Variants in RFC1 observed in about 807,000 individuals in gnomAD.
RFC1 encodes the protein A1 140 kDa subunit.
RFC1 carries 37 observed loss-of-function variants against 137.4 expected under a neutral mutation model. The ratio of observed to expected loss-of-function variants is 0.27; its 90% confidence interval spans 0.21 to 0.35. The LOEUF (loss-of-function observed/expected upper bound fraction) is 0.35. Among genes scored for constraint, RFC1 ranks in the 10% least tolerant of loss-of-function variants. The pLI is 1.00. For missense variants in RFC1, 1,205 were observed against 1,358.5 expected (o/e 0.89, Z 1.78); for synonymous variants, 429 against 455.7 (o/e 0.94, Z 0.75).
intron 22 of RFC1, 70 bp downstream of exon 22, chr4:39,295,544 T>C: frequency 7.9e-7 from 1 of 1,267,452 alleles, no homozygotes; most frequent in Non-Finnish European, 1.1e-6. Flanking sequence ...TTGACTCACA[T>C]GATCATTACT....
At chr4:39,348,258 G>C (rs1381260116) in intron 2 of RFC1, among the ~76,000 whole-genome samples, 2 of 150,586 alleles carry the variant, frequency 1.3e-5, no homozygotes, top group African/African-American at 2.4e-5. Context: ...CCCATCTCTA[G>C]GAAAAATACA....
chr4:39,347,923 T>C (rs1740938786), intron 2 of RFC1, among the ~76,000 whole-genome samples: 1 of 152,184 alleles, frequency 6.6e-6, no homozygotes, highest in South Asian at 2.1e-4. Context: ...TAGTGCTTTG[T>C]GAAAGATGGA....
chr4:39,309,182 G>A, intron 12 of RFC1, 150 bp from the exon 13 acceptor site: 1 of 713,850 alleles, frequency 1.4e-6, no homozygotes, highest in Non-Finnish European at 2.1e-6. Flanking sequence ...TCCTGTTTGT[G>A]GAAATCACCA....
intron 4 of RFC1, 98 bp downstream of exon 4, chr4:39,342,247 G>C: frequency 1.5e-6 from 2 of 1,361,316 alleles, no homozygotes; most frequent in Non-Finnish European, 2.0e-6. Context: ...AAAGGCAGTA[G>C]AAATTCCATT....
intron 1 of RFC1, among the ~76,000 whole-genome samples, chr4:39,356,856 ACTT>A (rs1421799708): frequency 6.6e-6 from 1 of 152,220 alleles, no homozygotes; most frequent in Non-Finnish European, 1.5e-5. Flanking sequence ...GGTCTCAAAA[ACTT>A]CTCTGAGGAA....
At chr4:39,291,481 T>C (rs1737670095) in intron 23 of RFC1, among the ~76,000 whole-genome samples, 158 bp downstream of exon 23, 1 of 152,218 alleles carries the variant, frequency 6.6e-6, no homozygotes, top group African/African-American at 2.4e-5. Context: ...TAATACTGCA[T>C]TCAAATAGTA....
intron 2 of RFC1, among the ~76,000 whole-genome samples, chr4:39,350,409 G>T (rs993690667): frequency 1.3e-5 from 2 of 151,974 alleles, no homozygotes; most frequent in Non-Finnish European, 2.9e-5. Context: ...AACCAAAAAT[G>T]GGATAAACAA....
chr4:39,301,825 T>G (rs1176487686), intron 19 of RFC1, among the ~76,000 whole-genome samples: 5 of 152,184 alleles, frequency 3.3e-5, no homozygotes, highest in African/African-American at 4.8e-5. Flanking sequence ...GTGTATTAAC[T>G]TTTTTAGAAC....
intron 11 of RFC1, among the ~76,000 whole-genome samples, chr4:39,311,991 C>T (rs1738982925): frequency 6.6e-6 from 1 of 151,998 alleles, no homozygotes; most frequent in Non-Finnish European, 1.5e-5. Context: ...CAACCAGAAA[C>T]GTCTTGGTTC....
chr4:39,295,895 C>G, intron 21 of RFC1, 136 bp from the exon 22 acceptor site: 1 of 650,908 alleles, frequency 1.5e-6, no homozygotes, highest in East Asian at 3.0e-5. Context: ...CAGTCAGACC[C>G]TTTCTATAAC....
chr4:39,298,437 A>C (rs1187116209), intron 21 of RFC1, among the ~76,000 whole-genome samples: 1 of 152,096 alleles, frequency 6.6e-6, no homozygotes, highest in African/African-American at 2.4e-5. Flanking sequence ...TTATTTTATT[A>C]CTCAGGCCAA....
At position 39,299,985 on chromosome 4, in the gene RFC1, G is replaced by C. The variant is rs2066788; in HGVS notation, c.2808+36C>G. The C allele has an allele frequency of 0.45, 541,625 of 1,211,812 alleles. 125,436 individuals carry two copies. Among genetic ancestry groups the C allele is most frequent in the African/African-American group, 0.74 (50,066 of 67,382 alleles). The allele number at this position is 1,211,812 out of a possible 1,614,324, so 75.1% of individuals were successfully genotyped here. A position where few individuals can be genotyped will look rare whatever the true frequency, so the allele number is the denominator to read the frequency against. ...AAGCTATTTAGTTCTCTTAGTAAAA[G>C]CAGAGCCTGCATGTTAGGGAGAGCC... On this transcript the variant is annotated intron_variant, in intron 21 of 24. Transcript: ENST00000349703.
chr4:39,353,027 G>GACACACAC (rs59032726), intron 1 of RFC1, among the ~76,000 whole-genome samples: 8 of 150,858 alleles, frequency 5.3e-5, no homozygotes, highest in Admixed American at 5.3e-4. Context: ...AAATAAGTGT[G>GACACACAC]ACACACACAC....
intron 6 of RFC1, among the ~76,000 whole-genome samples, chr4:39,324,040 C>T (rs1397203425): frequency 1.3e-5 from 2 of 152,262 alleles, no homozygotes; most frequent in South Asian, 4.1e-4. Flanking sequence ...TTTCAAAATA[C>T]TTTCACATTC....
chr4:39,364,080 TAAAAAAAAA>T (rs34471101), intron 1 of RFC1, among the ~76,000 whole-genome samples: 1 of 122,928 alleles, frequency 8.1e-6, no homozygotes. Flanking sequence ...ACCTTGCCTT[TAAAAAAAAA>T]AAAAAAAAAA....
At chr4:39,360,224 G>C (rs953812933) in intron 1 of RFC1, among the ~76,000 whole-genome samples, 15 of 151,922 alleles carry the variant, frequency 9.9e-5, no homozygotes, top group Admixed American at 9.8e-4. Context: ...AAATCGGCCA[G>C]GTGCGGTGGC....
intron 10 of RFC1, 59 bp downstream of exon 10, chr4:39,316,856 T>C: frequency 2.0e-6 from 2 of 995,464 alleles, no homozygotes; most frequent in Admixed American, 1.9e-5. Context: ...CGTGAATACA[T>C]ACATGGACCC....
chr4:39,295,889 C>A (rs956143780), intron 21 of RFC1, 130 bp from the exon 22 acceptor site: 1 of 710,576 alleles, frequency 1.4e-6, no homozygotes, highest in Non-Finnish European at 2.2e-6. Flanking sequence ...ACAGGGCAGT[C>A]AGACCCTTTC....
intron 4 of RFC1, among the ~76,000 whole-genome samples, chr4:39,338,669 AC>A (rs1404313296): frequency 6.6e-6 from 1 of 152,242 alleles, no homozygotes; most frequent in African/African-American, 2.4e-5. Context: ...AAAGTATACA[AC>A]ATGATGTCAG....
Sources: allele counts gnomAD v4.1 joint callset (sites outside exome capture counted in the v4.1 genomes callset), GRCh38; gene constraint gnomAD v4.1.1; transcripts MANE v1.5; gene names NCBI Gene and HGNC (gene_info 2026-07-23, HGNC 2026-07-21).